The following PTPRU variants were observed in gnomAD, a reference collection of about 807,000 sequenced individuals.
PTPRU encodes the protein receptor-type tyrosine-protein phosphatase U.
A neutral mutation model predicts 166.3 loss-of-function variants in PTPRU; 69 were observed. The ratio of observed to expected loss-of-function variants is 0.41; its 90% CI spans 0.34 to 0.51. PTPRU has a LOEUF of 0.51. PTPRU is among the 20% of genes least tolerant of loss of function. The pLI is 0.09. For synonymous variants in PTPRU, 793 were observed against 814.0 expected (o/e 0.97, Z 0.44); for missense variants, 1,657 against 2,013.7 (o/e 0.82, Z 3.39).
rs558493798 is a variant in PTPRU, at chr1:29,320,594, G to A, written c.3688-91G>A. ...GTGGGGCACAACCGTCCAACTCAGG[G>A]TGGGCAGTGCGGGAAGACAGCCTGG... On this transcript the variant is annotated intron_variant, in intron 25 of 29. Transcript: ENST00000373779. This position sits in a 1 kb window ranked among gnomAD's most constrained non-coding sequence, Gnocchi z 5.2. 6.8e-4 allele frequency: 945 copies of A among 1,384,084 alleles called. No individual in the cohort carries two copies. The highest frequency in any genetic ancestry group is 8.0e-4 in the Non-Finnish European group (827 of 1,039,832). The allele number at this position is 1,384,084 out of a possible 1,614,324, so 85.7% of individuals were successfully genotyped here. A position where few individuals can be genotyped will look rare whatever the true frequency, so the allele number is the denominator to read the frequency against.
Position 29,279,608 on chromosome 1 carries a change from CAA to C in PTPRU, c.1718_1719del (p.Lys573ArgfsTer9). ...YLFSVRARTG[K>X]GFGQAALTEI... ...TGTTCTCCGTGCGGGCCCGCACAGG[CAA>C]AGGCTTCGGCCAGGCGGCACTCACT... On this transcript the variant is annotated frameshift_variant, in exon 10 of 30. Coordinates refer to ENST00000373779, the MANE Select transcript of PTPRU (RefSeq NM_133178.4). LOFTEE classifies it high-confidence loss of function. The surrounding 1 kb of genome is among the most constrained non-coding windows in gnomAD (Gnocchi z 5.2). 1 of 1,613,926 alleles carries C rather than the reference CAA, an allele frequency of 6.2e-7. No individual in the cohort carries two copies. The highest frequency in any genetic ancestry group is 8.5e-7 in the Non-Finnish European group (1 of 1,180,040).
chr1:29,265,291 GGT>G (rs1411815148), intron 7 of PTPRU, among the ~76,000 whole-genome samples: 2 of 152,228 alleles, frequency 1.3e-5, no homozygotes, highest in South Asian at 2.1e-4. Flanking sequence ...CTTCCTGAGA[GGT>G]GTGTAGTGAT....
In PTPRU at chr1:29,291,270, T is replaced by C. The variant is rs1222980219; in HGVS notation, c.2319-599T>C. ...TCTATGCTGGGACCATCCTAGGTGC[T>C]ACTGGGAGTAGGGAGAAGCCAAGGG... is the stretch of plus-strand genomic sequence containing the variant. On this transcript the variant is annotated intron_variant, in intron 14 of 29. Transcript: ENST00000373779. The surrounding 1 kb of genome is among the most constrained non-coding windows in gnomAD (Gnocchi z 4.1). Among the ~76,000 whole-genome samples, 1 of 152,178 alleles carries C rather than the reference T, an allele frequency of 6.6e-6. No individual in the cohort carries two copies. Among genetic ancestry groups the C allele is most frequent in the Non-Finnish European group, 1.5e-5 (1 of 68,014 alleles).
intron 25 of PTPRU, among the ~76,000 whole-genome samples, 169 bp downstream of exon 25, chr1:29,318,090 G>A (rs1387630336): frequency 1.3e-5 from 2 of 152,194 alleles, no homozygotes; most frequent in Non-Finnish European, 2.9e-5. Context: ...TCCATTCAGG[G>A]CATTCAAGCC....
In PTPRU at chr1:29,312,584, G is replaced by C. The variant is rs752718591; in HGVS notation, c.3105G>C (p.Gln1035His). The change falls in exon 22 of 30, where the codon CAG (glutamine) becomes CAC (histidine). Residue 1035 changes from glutamine (Q) to histidine (H), a missense_variant. Physicochemically the swap from Gln to His is conservative, Grantham distance 24. This residue lies in a region of PTPRU where 1,190 missense variants were observed against 1,477.4 expected (regional missense o/e 0.81). Transcript: ENST00000373779. ...ACTCTGCCCGGCACGAGGTCCGCCA[G>C]TTCCACTTCACAGCGTGGCCAGAGC... ...RGYSARHEVR[Q>H]FHFTAWPEHG... is the part of the protein sequence containing the mutation. 1 of 1,602,376 alleles carries C rather than the reference G, an allele frequency of 6.2e-7. No individual in the cohort carries two copies. Among genetic ancestry groups the C allele is most frequent in the South Asian group, 1.1e-5 (1 of 90,716 alleles).
At chr1:29,323,031 G>T (rs1385975435) in intron 26 of PTPRU, among the ~76,000 whole-genome samples, 1 of 152,162 alleles carries the variant, frequency 6.6e-6, no homozygotes, top group African/African-American at 2.4e-5. Context: ...AGTGATCCAG[G>T]CCTATTCCTG....
chr1:29,315,364 C>T lies in PTPRU; in HGVS notation c.3228-8C>T. ...CTCTGACCTGGTCTGGGGCTGCTCT[C>T]TCTCCAGCGCGGGCACCGGCCGCAC... is the stretch of plus-strand genomic sequence containing the variant. On this transcript the variant is annotated splice_polypyrimidine_tract_variant and splice_region_variant and intron_variant, in intron 22 of 29. Transcript: ENST00000373779. The surrounding 1 kb of genome is among the most constrained non-coding windows in gnomAD (Gnocchi z 4.5). 6.2e-7 allele frequency: 1 copy of T among 1,614,098 alleles called. No homozygotes were observed. Among genetic ancestry groups the T allele is most frequent in the South Asian group, 1.1e-5 (1 of 91,070 alleles).
At chr1:29,303,263 G>T (rs1175915087) in intron 15 of PTPRU, among the ~76,000 whole-genome samples, 2 of 152,294 alleles carry the variant, frequency 1.3e-5, no homozygotes, top group Non-Finnish European at 2.9e-5. Flanking sequence ...CTCGGGGGAG[G>T]ATGGTTTCCC....
intron 1 of PTPRU, among the ~76,000 whole-genome samples, chr1:29,245,782 C>T (rs963669245): frequency 4.6e-5 from 7 of 152,122 alleles, no homozygotes; most frequent in African/African-American, 1.7e-4. Context: ...GGTTTCTGGG[C>T]GGAGCTGCTC....
chr1:29,280,546 A>G lies in PTPRU; in HGVS notation c.1868+405A>G, dbSNP rs1686017493. ...AGCCAGATAGGGCCATCTCTCTGGA[A>G]TGGCTAGGAGCTTGGCTTCTCCACC... On this transcript the variant is annotated intron_variant, in intron 11 of 29. Coordinates refer to ENST00000373779, the MANE Select transcript of PTPRU (RefSeq NM_133178.4). This position sits in a 1 kb window ranked among gnomAD's most constrained non-coding sequence, Gnocchi z 4.2. 6.6e-6 allele frequency among the ~76,000 whole-genome samples: 1 copy of G among 152,164 alleles called. No homozygotes were observed. Among genetic ancestry groups the G allele is most frequent in the South Asian group, 2.1e-4 (1 of 4,838 alleles).
intron 12 of PTPRU, chr1:29,283,610 C>T: frequency 2.6e-6 from 1 of 389,902 alleles, no homozygotes. Context: ...CTGCTTCTTG[C>T]CTGGTTTCTT....
At chr1:29,295,877 G>A (rs898743529) in intron 15 of PTPRU, among the ~76,000 whole-genome samples, 7 of 151,970 alleles carry the variant, frequency 4.6e-5, no homozygotes, top group Non-Finnish European at 8.8e-5. Context: ...TTTTAGTAGA[G>A]ATGGGGTTTC....
chr1:29,265,305 T>C (rs944005398), intron 7 of PTPRU, among the ~76,000 whole-genome samples: 3 of 152,162 alleles, frequency 2.0e-5, no homozygotes, highest in Admixed American at 2.0e-4. Context: ...TGTAGTGATA[T>C]CTCATCATGG....
chr1:29,314,880 C>G (rs185043756), intron 22 of PTPRU, among the ~76,000 whole-genome samples: 1 of 152,008 alleles, frequency 6.6e-6, no homozygotes. Flanking sequence ...TGCCTGGCCA[C>G]GAAGAGTGTT....
At chr1:29,262,084 CAT>C (rs774388806) in intron 7 of PTPRU, among the ~76,000 whole-genome samples, 5 of 152,158 alleles carry the variant, frequency 3.3e-5, no homozygotes, top group Admixed American at 6.5e-5. Flanking sequence ...CAATTTATCA[CAT>C]GTGTAGGTTT....
In PTPRU at chr1:29,325,784, G is replaced by A. The variant is rs1688387594; in HGVS notation, c.*123G>A. ...ACTCCCATGGGGCAAGCACTGGAGT[G>A]GATGCTGGGCTATCTTGCTCCCCCT... On this transcript the variant is annotated 3_prime_UTR_variant, in exon 30 of 30. Coordinates refer to ENST00000373779, the MANE Select transcript of PTPRU (RefSeq NM_133178.4). 2.7e-6 allele frequency: 3 copies of A among 1,098,596 alleles called. No individual in the cohort carries two copies. The highest frequency in any genetic ancestry group is 3.8e-6 in the Non-Finnish European group (3 of 781,364). 68.1% of individuals were successfully genotyped at this position (1,098,596 alleles called of 1,614,324 possible).
chr1:29,237,576 CGT>C lies in PTPRU; in HGVS notation c.73+865_73+866del, dbSNP rs1403521843. On this transcript the variant is annotated intron_variant, in intron 1 of 29. Coordinates refer to ENST00000373779, the MANE Select transcript of PTPRU (RefSeq NM_133178.4). This position sits in a 1 kb window ranked among gnomAD's most constrained non-coding sequence, Gnocchi z 6.4. ...GTGTGTGCGCGCGTGTGCGTGTGCG[CGT>C]GTGTGGCGCGCTGGGCCGGAACAAG... is the stretch of plus-strand genomic sequence containing the variant. 6.6e-6 allele frequency among the ~76,000 whole-genome samples: 1 copy of C among 151,658 alleles called. No homozygotes were observed. Among genetic ancestry groups the C allele is most frequent in the Non-Finnish European group, 1.5e-5 (1 of 67,838 alleles).
intron 1 of PTPRU, among the ~76,000 whole-genome samples, chr1:29,244,975 G>C (rs1325348892): frequency 6.6e-6 from 1 of 152,088 alleles, no homozygotes; most frequent in African/African-American, 2.4e-5. Flanking sequence ...GGTGGTGGTT[G>C]GGGAGTGCCT....
chr1:29,301,266 C>T (rs764452255), intron 15 of PTPRU, among the ~76,000 whole-genome samples: 6 of 152,124 alleles, frequency 3.9e-5, no homozygotes, highest in African/African-American at 4.8e-5. Context: ...CCATGGTGGT[C>T]CTATAAGATT....
Sources: gnomAD v4.1 joint callset for allele counts (sites outside exome capture counted in the v4.1 genomes callset) on GRCh38, gnomAD v4.1.1 for gene constraint, gnomAD v4.1.1 regional missense constraint, Gnocchi (gnomAD v3.1) non-coding constraint, MANE v1.5 for transcripts, NCBI Gene and HGNC (gene_info 2026-07-23, HGNC 2026-07-21) for gene names.